Variants in RGL1 observed in about 807,000 individuals in gnomAD.
The protein encoded by RGL1 is ral guanine nucleotide dissociation stimulator-like 1.
In RGL1, 24 loss-of-function variants were observed where a neutral mutation model predicts 95.2. The observed-to-expected ratio is 0.25, with a 90% CI of 0.18 to 0.35. The LOEUF is 0.35. RGL1 is among the 10% of genes least tolerant of loss of function. The pLI, the probability that RGL1 is intolerant of heterozygous loss-of-function variation, is 1.00. For synonymous variants in RGL1, 329 were observed against 344.9 expected (o/e 0.95, Z 0.51); for missense variants, 715 against 936.3 (o/e 0.76, Z 3.08).
chr1:183,841,425 C>G (rs2491436), intron 2 of RGL1, among the ~76,000 whole-genome samples: 121,564 of 152,162 alleles, frequency 0.8, 48,714 homozygotes, highest in Middle Eastern at 0.88. Context: ...AAGTGACTTC[C>G]CACCCAATAT....
intron 1 of RGL1, among the ~76,000 whole-genome samples, chr1:183,639,836 GTTTTTCTT>G (rs972528030): frequency 4.6e-5 from 7 of 151,318 alleles, no homozygotes; most frequent in Non-Finnish European, 1.0e-4. Context: ...AAAGGGAAAT[GTTTTTCTT>G]TTTTTCTTTT....
exon 1 of RGL1, chr1:183,636,357 T>C (rs1360748007): frequency 2.5e-6 from 1 of 394,516 alleles, no homozygotes; most frequent in African/African-American, 2.1e-5. Flanking sequence ...AGAGGCTGCG[T>C]TCCTGAGCAG....
rs1248331062 is a variant in RGL1, at chr1:183,847,668, C to G, written c.241C>G (p.Leu81Val). 3 of 1,614,092 alleles carry G rather than the reference C, an allele frequency of 1.9e-6. No homozygotes were observed. In the Admixed American group the frequency reaches 5.0e-5, roughly 27 times the overall value. Residue 81 changes from leucine (L) to valine (V), a missense_variant, in exon 3 of 18, where the codon CTG (leucine) becomes GTG (valine). Transcript: ENST00000360851. ...CACCTTGGAGAAGCTTGTGGAGAAC[C>G]TGCTGACAGCTTTTGGGGACAATGA... The part of the protein sequence containing the change: ...AGTLEKLVEN[L>V]LTAFGDNDFT...
intron 1 of RGL1, chr1:183,648,302 A>G (rs1650462388): frequency 1.2e-6 from 2 of 1,614,112 alleles, no homozygotes; most frequent in Non-Finnish European, 8.5e-7. Flanking sequence ...AGTCCATCTC[A>G]GTATGATAGA....
Position 183,729,838 on chromosome 1 carries a change from T to C in RGL1, c.-32-12288T>C, listed in dbSNP as rs10911424. Among the ~76,000 whole-genome samples, 275 of 152,094 alleles carry C rather than the reference T, an allele frequency of 1.8e-3. 6 individuals are homozygous for C. The East Asian group carries it at 0.042, about 23-fold the overall frequency. On this transcript the variant is annotated intron_variant, in intron 1 of 18. Transcript: ENST00000304685. Reference sequence around the variant, plus strand: ...CAACATAGATGAATCTCAAAATAAATGTGGTAAGTGAAAGAAGACCGAAAA... The same window carrying C: ...CAACATAGATGAATCTCAAAATAAACGTGGTAAGTGAAAGAAGACCGAAAA...
At chr1:183,923,053 T>G (rs1274952783) in intron 17 of RGL1, among the ~76,000 whole-genome samples, 1 of 152,232 alleles carries the variant, frequency 6.6e-6, no homozygotes, top group Non-Finnish European at 1.5e-5. Context: ...CTGTACCTTG[T>G]CACTTCACAG....
At chr1:183,661,445 C>G (rs951194918) in intron 1 of RGL1, among the ~76,000 whole-genome samples, 2 of 152,202 alleles carry the variant, frequency 1.3e-5, no homozygotes, top group African/African-American at 4.8e-5. Context: ...TGCAAATAAA[C>G]TAGAAAATCT....
At chr1:183,829,462 T>A (rs1663106250) in intron 2 of RGL1, among the ~76,000 whole-genome samples, 1 of 151,450 alleles carries the variant, frequency 6.6e-6, no homozygotes, top group Admixed American at 6.6e-5. Context: ...AAAAAGTAGA[T>A]CGTGATCAAC....
chr1:183,648,604 A>G (rs1458254524), intron 1 of RGL1: 7 of 1,614,098 alleles, frequency 4.3e-6, no homozygotes, highest in Non-Finnish European at 5.9e-6. Context: ...GTTTGAGGAA[A>G]TGTTGTCCCA....
At position 183,638,014 on chromosome 1, in the gene RGL1, A is replaced by T. The variant is rs74479437; in HGVS notation, c.-33+1513A>T. Among the ~76,000 whole-genome samples the T allele has an allele frequency of 3.3e-5, 5 of 152,264 alleles. No individual in the cohort carries two copies. The East Asian group carries it at 9.6e-4, about 29-fold the overall frequency. ...TCTTTTAAATCAAGATTTTTCTTTG[A>T]AGAGAAAATCGAACATTAGAGGCAC... On this transcript the variant is annotated intron_variant, in intron 1 of 18. Transcript: ENST00000304685.
chr1:183,732,931 C>T (rs1426380089), intron 1 of RGL1, among the ~76,000 whole-genome samples: 1 of 152,158 alleles, frequency 6.6e-6, no homozygotes, highest in African/African-American at 2.4e-5. Flanking sequence ...ATTTGGTTCT[C>T]AAAGGCTTCA....
At chr1:183,732,963 T>C (rs1656716992) in intron 1 of RGL1, among the ~76,000 whole-genome samples, 1 of 152,148 alleles carries the variant, frequency 6.6e-6, no homozygotes, top group Non-Finnish European at 1.5e-5. Context: ...AACCTTTTGG[T>C]TCACTCTAAA....
intron 1 of RGL1, among the ~76,000 whole-genome samples, chr1:183,669,036 G>A (rs547016281): frequency 1.1e-4 from 16 of 145,564 alleles, no homozygotes; most frequent in Admixed American, 2.8e-4. Context: ...TCCGCCTCCC[G>A]GGTTCAAGTG....
intron 2 of RGL1, among the ~76,000 whole-genome samples, chr1:183,774,658 C>G (rs1389890044): frequency 6.8e-6 from 1 of 147,996 alleles, no homozygotes; most frequent in Non-Finnish European, 1.5e-5. Flanking sequence ...TTCACACAAC[C>G]TCTGCCTCCT....
chr1:183,842,797 G>A (rs2500102), intron 2 of RGL1, among the ~76,000 whole-genome samples: 24,064 of 152,128 alleles, frequency 0.16, 2,285 homozygotes, highest in East Asian at 0.29. Flanking sequence ...CACCCCTTTC[G>A]TCTTCAACTT....
intron 9 of RGL1, among the ~76,000 whole-genome samples, chr1:183,894,573 A>G (rs1667587050): frequency 1.3e-5 from 2 of 152,074 alleles, no homozygotes; most frequent in African/African-American, 2.4e-5. Context: ...TTTTTTTTAA[A>G]TGGAATCACA....
intron 1 of RGL1, among the ~76,000 whole-genome samples, chr1:183,655,260 G>T (rs1651067925): frequency 1.3e-5 from 2 of 152,194 alleles, no homozygotes; most frequent in African/African-American, 4.8e-5. Context: ...CCAGTTTGGG[G>T]TATATCCAAG....
At chr1:183,743,327 G>T (rs946035290) in intron 2 of RGL1, among the ~76,000 whole-genome samples, 1 of 152,088 alleles carries the variant, frequency 6.6e-6, no homozygotes, top group African/African-American at 2.4e-5. Context: ...AAAGCTAGAG[G>T]TTTTAATACA....
intron 1 of RGL1, among the ~76,000 whole-genome samples, chr1:183,723,971 T>C (rs960376274): frequency 7.2e-5 from 11 of 151,848 alleles, no homozygotes; most frequent in African/African-American, 1.9e-4. Flanking sequence ...ACCAGCTCAG[T>C]CACAGTAGGA....
Sources: gnomAD v4.1 joint callset for allele counts (sites outside exome capture counted in the v4.1 genomes callset) on GRCh38, gnomAD v4.1.1 for gene constraint, MANE v1.5 for transcripts, NCBI Gene and HGNC (gene_info 2026-07-23, HGNC 2026-07-21) for gene names.